ARFGEF1: variants seen among roughly 807,000 people sequenced by gnomAD.
ARFGEF1 encodes the protein ARF guanine nucleotide exchange factor 1, also known as brefeldin A-inhibited guanine nucleotide-exchange protein 1.
ARFGEF1 carries 42 observed loss-of-function variants against 231.0 expected under a neutral mutation model. The ratio of observed to expected loss-of-function variants is 0.18; its 90% CI spans 0.14 to 0.24. The LOEUF is 0.24. Ranked by LOEUF, ARFGEF1 falls within the 10% of genes least tolerant of loss-of-function variation. The pLI, the probability that ARFGEF1 is intolerant of heterozygous loss-of-function variation, is 1.00. For missense variants in ARFGEF1, 1,345 were observed against 2,192.0 expected, an observed-to-expected ratio of 0.61 and a Z score of 7.72; for synonymous variants, 710 against 732.3, an observed-to-expected ratio of 0.97 and a Z score of 0.49.
At chr8:67,321,627 T>C (rs1399245392) in intron 1 of ARFGEF1, among the ~76,000 whole-genome samples, 3 of 150,362 alleles carry the variant, frequency 2.0e-5, no homozygotes, top group Admixed American at 2.0e-4. Context: ...CGCCCGGCTA[T>C]TTTTTTTTAT....
intron 10 of ARFGEF1, among the ~76,000 whole-genome samples, chr8:67,269,040 A>G (rs966952853): frequency 7.2e-5 from 11 of 152,228 alleles, no homozygotes; most frequent in African/African-American, 1.4e-4. Flanking sequence ...TTGCTGTAAT[A>G]TAAGATATTA....
intron 1 of ARFGEF1, among the ~76,000 whole-genome samples, chr8:67,311,512 T>TGGGGG (rs1180521239): frequency 1.7e-5 from 1 of 60,148 alleles, no homozygotes; most frequent in African/African-American, 6.7e-5. Context: ...GGGAGGGAGG[T>TGGGGG]GGGGGGGGGT....
intron 3 of ARFGEF1, among the ~76,000 whole-genome samples, chr8:67,300,424 A>T (rs1806426731): frequency 6.6e-6 from 1 of 152,222 alleles, no homozygotes; most frequent in African/African-American, 2.4e-5. Flanking sequence ...AGGGTAACAG[A>T]GTTCAGAAAT....
chr8:67,311,229 G>A (rs566424922), intron 1 of ARFGEF1, among the ~76,000 whole-genome samples: 2 of 142,706 alleles, frequency 1.4e-5, no homozygotes, highest in Non-Finnish European at 3.1e-5. Context: ...CCCCGTCCGG[G>A]AGGGAGGTGG....
intron 29 of ARFGEF1, among the ~76,000 whole-genome samples, chr8:67,224,073 T>G (rs1839292035): frequency 6.6e-6 from 1 of 152,132 alleles, no homozygotes; most frequent in Non-Finnish European, 1.5e-5. Context: ...ATGGGGGTGG[T>G]TCTGGCATAA....
At chr8:67,311,237 TG>T (rs1182397603) in intron 1 of ARFGEF1, among the ~76,000 whole-genome samples, 1 of 110,820 alleles carries the variant, frequency 9.0e-6, no homozygotes, top group Non-Finnish European at 1.9e-5. Context: ...GGGAGGGAGG[TG>T]GGGAGGTCAG....
At chr8:67,192,427 T>C (rs1185720540) in intron 5 of ARFGEF1, among the ~76,000 whole-genome samples, 1 of 152,202 alleles carries the variant, frequency 6.6e-6, no homozygotes, top group East Asian at 1.9e-4. Flanking sequence ...AAGAGTTCTT[T>C]TACATTCTCA....
chr8:67,193,652 A>AC, downstream of ARFGEF1: 1 of 1,528,554 alleles, frequency 6.5e-7, no homozygotes, highest in South Asian at 1.2e-5. Flanking sequence ...ATGAACTTTT[A>AC]AACTTTCTTA....
chr8:67,260,813 T>A (rs1390996211), intron 14 of ARFGEF1, among the ~76,000 whole-genome samples: 1 of 152,152 alleles, frequency 6.6e-6, no homozygotes, highest in Non-Finnish European at 1.5e-5. Context: ...CAAACCAAGT[T>A]GTGAATGCAA....
intron 1 of ARFGEF1, among the ~76,000 whole-genome samples, chr8:67,339,288 C>T (rs1808488450): frequency 6.6e-6 from 1 of 152,174 alleles, no homozygotes. Context: ...TGCCTCCCTT[C>T]CCTTTAAAAC....
intron 18 of ARFGEF1, 81 bp from the exon 19 acceptor site, chr8:67,251,531 ACAC>A: frequency 7.8e-7 from 1 of 1,285,342 alleles, no homozygotes; most frequent in Non-Finnish European, 1.0e-6. Context: ...CAAATAATAA[ACAC>A]CACCAGTAAT....
chr8:67,247,957 G>A (rs1163515598), intron 19 of ARFGEF1, among the ~76,000 whole-genome samples: 5 of 149,886 alleles, frequency 3.3e-5, no homozygotes, highest in Non-Finnish European at 5.9e-5. Context: ...AACCAAAGAC[G>A]TGAAAGATCC....
chr8:67,239,086 G>A (rs1395519016), intron 20 of ARFGEF1, among the ~76,000 whole-genome samples, 193 bp from the exon 21 acceptor site: 5 of 151,304 alleles, frequency 3.3e-5, no homozygotes, highest in African/African-American at 4.9e-5. Flanking sequence ...GGCTCACTGC[G>A]ACCTCCGCCT....
intron 1 of ARFGEF1, among the ~76,000 whole-genome samples, chr8:67,320,735 T>C (rs538670767): frequency 3.5e-4 from 53 of 152,182 alleles, no homozygotes; most frequent in African/African-American, 1.2e-3. Context: ...GGCAGGTGGA[T>C]TACCTGAGGT....
chr8:67,175,534 C>T, exon 6 of ARFGEF1: 1 of 1,385,230 alleles, frequency 7.2e-7, no homozygotes, highest in South Asian at 1.2e-5. Flanking sequence ...AGGCATCCTC[C>T]TTTCACTGGC....
chr8:67,257,667 T>G (rs1036874723), intron 17 of ARFGEF1, 65 bp downstream of exon 17: 3 of 1,254,760 alleles, frequency 2.4e-6, no homozygotes, highest in African/African-American at 1.5e-5. Context: ...TATTACTTAC[T>G]GAATTCAGAA....
At chr8:67,184,093 T>TC (rs1563778247) in intron 5 of ARFGEF1, among the ~76,000 whole-genome samples, 1 of 152,062 alleles carries the variant, frequency 6.6e-6, no homozygotes, top group East Asian at 1.9e-4. Context: ...CCTCAGGTGA[T>TC]CCCCCGGCCT....
intron 1 of ARFGEF1, among the ~76,000 whole-genome samples, chr8:67,305,535 C>T (rs1010957371): frequency 2.0e-4 from 30 of 152,014 alleles, no homozygotes; most frequent in Admixed American, 8.5e-4. Flanking sequence ...TTAGTAGAGA[C>T]GGGGTTTCTC....
chr8:67,239,450 A>C (rs575847960), intron 20 of ARFGEF1, among the ~76,000 whole-genome samples: 1 of 152,304 alleles, frequency 6.6e-6, no homozygotes, highest in East Asian at 1.9e-4. Context: ...ATGATGCATG[A>C]AGCAGAAACG....
Sources: allele counts gnomAD v4.1 joint callset (sites outside exome capture counted in the v4.1 genomes callset), GRCh38; gene constraint gnomAD v4.1.1; transcripts MANE v1.5; gene names NCBI Gene and HGNC (gene_info 2026-07-23, HGNC 2026-07-21).